Variants in MAP3K13 observed in about 807,000 individuals in gnomAD.
The protein encoded by MAP3K13 is mitogen-activated protein kinase kinase kinase 13, also known as leucine zipper-bearing kinase.
A neutral mutation model predicts 104.0 loss-of-function variants in MAP3K13; 52 were observed. That is an observed-to-expected ratio of 0.50 (90% confidence interval 0.40 to 0.63). The LOEUF is 0.63. Ranked by LOEUF, MAP3K13 falls within the 20% of genes least tolerant of loss-of-function variation. The probability of loss-of-function intolerance (pLI) is 0.00; values close to 1 mark genes in which losing one functional copy is unlikely to be tolerated. For synonymous variants in MAP3K13, 394 were observed against 442.2 expected, an observed-to-expected ratio of 0.89 and a Z score of 1.37; for missense variants, 914 against 1,218.5, an observed-to-expected ratio of 0.75 and a Z score of 3.72.
rs373752821 is a variant in MAP3K13 at position 185,315,111 on chromosome 3, G to A, written c.-86+29468G>A. Among the ~76,000 whole-genome samples, 2 of 152,142 alleles carry A rather than the reference G, an allele frequency of 1.3e-5. No individual in the cohort carries two copies. Among genetic ancestry groups the A allele is most frequent in the African/African-American group, 2.4e-5 (1 of 41,442 alleles). ...AAGAATACAAAAAAATTAGCCAGGT[G>A]TGGTGGCATGCACTTGTAATCCCAG... On this transcript the variant is annotated intron_variant, in intron 2 of 14. Coordinates refer to the MAP3K13 transcript ENST00000424227. The surrounding 1 kb of genome is among the most constrained non-coding windows in gnomAD (Gnocchi z 4.3).
chr3:185,329,557 G>A (rs143665565), intron 2 of MAP3K13, among the ~76,000 whole-genome samples: 432 of 152,328 alleles, frequency 2.8e-3, no homozygotes, highest in Non-Finnish European at 4.8e-3. Context: ...GAGGTTTCAC[G>A]CAACTTCGGA....
At chr3:185,376,411 C>G (rs187223777) in intron 1 of MAP3K13, among the ~76,000 whole-genome samples, 158 of 152,260 alleles carry the variant, frequency 1.0e-3, no homozygotes, top group Non-Finnish European at 1.6e-3. Flanking sequence ...AGCCACTGCA[C>G]GCAGACGTGA....
At chr3:185,338,526 A>G (rs1406172109) in intron 2 of MAP3K13, among the ~76,000 whole-genome samples, 1 of 152,244 alleles carries the variant, frequency 6.6e-6, no homozygotes, top group Non-Finnish European at 1.5e-5. Flanking sequence ...TTACTAACAT[A>G]TAAGTGGATG....
intron 2 of MAP3K13, among the ~76,000 whole-genome samples, chr3:185,320,049 A>T (rs980077047): frequency 5.3e-5 from 8 of 151,342 alleles, no homozygotes; most frequent in African/African-American, 1.9e-4. Flanking sequence ...TGTATACAAG[A>T]TGGAGTAATG....
At chr3:185,373,711 A>G (rs1724271807) in intron 1 of MAP3K13, among the ~76,000 whole-genome samples, 1 of 152,078 alleles carries the variant, frequency 6.6e-6, no homozygotes, top group Non-Finnish European at 1.5e-5. Context: ...ATAACAAGAG[A>G]ACAAAACTTT....
chr3:185,324,284 C>T (rs1367903929), intron 2 of MAP3K13, among the ~76,000 whole-genome samples: 1 of 152,168 alleles, frequency 6.6e-6, no homozygotes, highest in Non-Finnish European at 1.5e-5. Flanking sequence ...TCCCAAAGTG[C>T]TGGGATTACA....
At position 185,465,403 on chromosome 3, in the gene MAP3K13, G is replaced by C. The variant is rs568325847; in HGVS notation, c.1389-344G>C. Among the ~76,000 whole-genome samples, 3 of 152,304 alleles carry C rather than the reference G, an allele frequency of 2.0e-5. No individual in the cohort carries two copies. In the East Asian group the frequency reaches 5.8e-4, roughly 29 times the overall value. ...CTGGGCCGTGGCTAAGTGTAAATGA[G>C]TGATCATGGTGTTGGCTTTAACTGC... On this transcript the variant is annotated intron_variant, in intron 8 of 13. Transcript: ENST00000265026.
At chr3:185,386,806 A>T (rs1477541504) in intron 1 of MAP3K13, among the ~76,000 whole-genome samples, 1 of 152,204 alleles carries the variant, frequency 6.6e-6, no homozygotes, top group Non-Finnish European at 1.5e-5. Context: ...AGGAATAGAA[A>T]ACCAAATACC....
At position 185,338,698 on chromosome 3, in the gene MAP3K13, C is replaced by T. The variant is rs536954610; in HGVS notation, c.-86+53055C>T. ...CATTTCTTCTTGATTCTTTTTTATA[C>T]TTTCCATCTCTGTGGTCAACTTCCC... On this transcript the variant is annotated intron_variant, in intron 2 of 14. Transcript: ENST00000424227. Among the ~76,000 whole-genome samples, 15 of 152,122 alleles carry T rather than the reference C, an allele frequency of 9.9e-5. No homozygotes were observed. In the South Asian group the frequency reaches 2.9e-3, roughly 30 times the overall value.
chr3:185,385,158 CT>C (rs1191957054), intron 1 of MAP3K13, among the ~76,000 whole-genome samples: 1 of 151,134 alleles, frequency 6.6e-6, no homozygotes, highest in Non-Finnish European at 1.5e-5. Context: ...TTCTAGCAAT[CT>C]TTTTTTTTGG....
chr3:185,447,697 T>C (rs895946029), intron 4 of MAP3K13, 92 bp from the exon 5 acceptor site: 3 of 936,762 alleles, frequency 3.2e-6, no homozygotes, highest in Middle Eastern at 2.6e-4. Context: ...AGATAGGAAG[T>C]AGCAGATAAA....
At chr3:185,352,637 T>C (rs1191469431) in intron 2 of MAP3K13, among the ~76,000 whole-genome samples, 1 of 152,228 alleles carries the variant, frequency 6.6e-6, no homozygotes, top group Non-Finnish European at 1.5e-5. Flanking sequence ...GAGATCAGGC[T>C]CTGTGATTTA....
chr3:185,292,737 G>A (rs1281965450), intron 2 of MAP3K13: 1 of 985,296 alleles, frequency 1.0e-6, no homozygotes, highest in Non-Finnish European at 1.2e-6. Context: ...ATGGCAACAA[G>A]GCTATGTTAA....
At chr3:185,318,183 A>G (rs1319732328) in intron 2 of MAP3K13, among the ~76,000 whole-genome samples, 1 of 152,156 alleles carries the variant, frequency 6.6e-6, no homozygotes, top group East Asian at 1.9e-4. Context: ...AAAATATCCA[A>G]TGCTTTAAAA....
At chr3:185,331,185 C>T (rs1026192843) in intron 2 of MAP3K13, among the ~76,000 whole-genome samples, 6 of 147,522 alleles carry the variant, frequency 4.1e-5, no homozygotes, top group Non-Finnish European at 7.4e-5. Flanking sequence ...CCTCTGCCTC[C>T]CGGGTTCAAG....
At chr3:185,389,968 AGAT>A (rs1466293045) in intron 1 of MAP3K13, among the ~76,000 whole-genome samples, 1 of 152,206 alleles carries the variant, frequency 6.6e-6, no homozygotes, top group African/African-American at 2.4e-5. Context: ...CCGACTTAAT[AGAT>A]GATAACTGGA....
chr3:185,454,907 G>GAGATATATATATC (rs1716312777), intron 7 of MAP3K13, among the ~76,000 whole-genome samples: 2 of 68,862 alleles, frequency 2.9e-5, no homozygotes, highest in Non-Finnish European at 5.9e-5. Flanking sequence ...ATATATATAT[G>GAGATATATATATC]ATATATATAT....
chr3:185,357,080 AAGTT>A (rs1723386904), intron 2 of MAP3K13, among the ~76,000 whole-genome samples: 1 of 151,748 alleles, frequency 6.6e-6, no homozygotes, highest in Non-Finnish European at 1.5e-5. Context: ...CAAAGAATAG[AAGTT>A]AGAGAGTTAA....
intron 7 of MAP3K13, among the ~76,000 whole-genome samples, chr3:185,455,512 A>ACATATATATCATATATAT (rs1246627740): frequency 1.3e-4 from 2 of 15,422 alleles, no homozygotes; most frequent in East Asian, 2.8e-3. Context: ...GATATATATG[A>ACATATATATCATATATAT]GATATATATG....
Sources: gnomAD v4.1 joint callset for allele counts (sites outside exome capture counted in the v4.1 genomes callset) on GRCh38, gnomAD v4.1.1 for gene constraint, Gnocchi (gnomAD v3.1) non-coding constraint, MANE v1.5 for transcripts, NCBI Gene and HGNC (gene_info 2026-07-23, HGNC 2026-07-21) for gene names.